CFAP161: variants seen among roughly 807,000 people sequenced by gnomAD.
CFAP161 encodes cilia- and flagella-associated protein 161.
In CFAP161, 25 loss-of-function variants were observed where a neutral mutation model predicts 29.0. That is an observed-to-expected ratio of 0.86 (90% CI 0.63 to 1.20). The LOEUF is 1.20. Ranked by LOEUF, CFAP161 falls within the 50% of genes most tolerant of loss-of-function variation. The pLI, the probability that CFAP161 is intolerant of heterozygous loss-of-function variation, is 0.00. For synonymous variants in CFAP161, 116 were observed against 137.4 expected, an observed-to-expected ratio of 0.84 and a Z score of 1.09; for missense variants, 367 against 371.9, an observed-to-expected ratio of 0.99 and a Z score of 0.11.
At chr15:81,111,213 C>T (rs1240925474) in intron 1 of CFAP161, among the ~76,000 whole-genome samples, 1 of 152,214 alleles carries the variant, frequency 6.6e-6, no homozygotes, top group African/African-American at 2.4e-5. Flanking sequence ...TCTTCTCCTT[C>T]TGACTCTCCA....
intron 4 of CFAP161, among the ~76,000 whole-genome samples, chr15:81,140,221 T>C (rs570887931): frequency 6.6e-6 from 1 of 152,354 alleles, no homozygotes; most frequent in East Asian, 1.9e-4. Flanking sequence ...TATTTTTGAG[T>C]AAAATGTAAT....
intron 1 of CFAP161, among the ~76,000 whole-genome samples, chr15:81,121,651 GT>G (rs1444890806): frequency 1.7e-4 from 26 of 152,110 alleles, no homozygotes; most frequent in African/African-American, 6.3e-4. Flanking sequence ...TTACATATCA[GT>G]ATTTTAGAGA....
Position 81,148,813 on chromosome 15 carries a change from A to G in CFAP161, c.*280A>G. ...GAAGAACTCAGCTTCCTCTACTTAT[A>G]TCCTTCATTGTCTACAAGGACAGTG... On this transcript the variant is annotated 3_prime_UTR_variant, in exon 7 of 7. Coordinates refer to ENST00000286732, the MANE Select transcript of CFAP161 (RefSeq NM_173528.4). The G allele has an allele frequency of 3.5e-6, 1 of 283,620 alleles. No homozygotes were observed. The highest frequency in any genetic ancestry group is 8.9e-5 in the South Asian group (1 of 11,194). The allele number at this position is 283,620 out of a possible 1,614,324, so 17.6% of individuals were successfully genotyped here. A position where few individuals can be genotyped will look rare whatever the true frequency, so the allele number is the denominator to read the frequency against.
At chr15:81,101,526 CAAAAAAA>C (rs527465471) in intron 1 of CFAP161, among the ~76,000 whole-genome samples, 6 of 46,106 alleles carry the variant, frequency 1.3e-4, no homozygotes, top group African/African-American at 2.0e-4. Flanking sequence ...GACTCTGTCT[CAAAAAAA>C]AAAAAAAAAA....
chr15:81,115,680 TTTG>T (rs1894488582), intron 1 of CFAP161, among the ~76,000 whole-genome samples: 1 of 152,056 alleles, frequency 6.6e-6, no homozygotes. Flanking sequence ...AACCTAGGCT[TTTG>T]TTTTTCATTT....
chr15:81,125,450 A>C (rs531906654), intron 1 of CFAP161, among the ~76,000 whole-genome samples: 7 of 152,326 alleles, frequency 4.6e-5, no homozygotes, highest in African/African-American at 1.7e-4. Flanking sequence ...ATAGTTTTGT[A>C]AACTTTGTGT....
intron 1 of CFAP161, among the ~76,000 whole-genome samples, chr15:81,110,589 C>T (rs1487359686): frequency 6.6e-6 from 1 of 152,162 alleles, no homozygotes; most frequent in Non-Finnish European, 1.5e-5. Context: ...TGGGTCCATG[C>T]CGGCATTCCC....
At chr15:81,134,009 T>C (rs1894761194), upstream of CFAP161, among the ~76,000 whole-genome samples, 1 of 152,202 alleles carries the variant, frequency 6.6e-6, no homozygotes, top group South Asian at 2.1e-4. Context: ...GGGTACTCGA[T>C]AGCACTTTTC....
chr15:81,115,120 G>A (rs1290281111), intron 1 of CFAP161, among the ~76,000 whole-genome samples: 2 of 152,170 alleles, frequency 1.3e-5, no homozygotes, highest in African/African-American at 4.8e-5. Context: ...TTTGTGCAAG[G>A]TTGTGGTTTG....
chr15:81,120,575 T>C (rs1894559333), intron 1 of CFAP161, among the ~76,000 whole-genome samples: 1 of 152,104 alleles, frequency 6.6e-6, no homozygotes, highest in African/African-American at 2.4e-5. Context: ...CAAGACCAGC[T>C]CTGACAACAT....
At chr15:81,122,184 A>G (rs1378642782) in intron 1 of CFAP161, among the ~76,000 whole-genome samples, 5 of 152,164 alleles carry the variant, frequency 3.3e-5, no homozygotes, top group Admixed American at 2.0e-4. Flanking sequence ...ATACACATGC[A>G]TGTGTCTTTA....
chr15:81,138,143 A>G lies in CFAP161; in HGVS notation c.477+8A>G, dbSNP rs778608966. ...GGATTTGACAACAAAATGGTGAGTT[A>G]TCACTTTGCATATCTACTTTGGATC... On this transcript the variant is annotated splice_region_variant and intron_variant, in intron 4 of 6. Coordinates refer to ENST00000286732, the MANE Select transcript of CFAP161 (RefSeq NM_173528.4). 6.3e-7 allele frequency: 1 copy of G among 1,591,048 alleles called. No individual in the cohort carries two copies. Among genetic ancestry groups the G allele is most frequent in the East Asian group, 2.2e-5 (1 of 44,764 alleles).
At chr15:81,137,451 C>T (rs1894830418) in intron 3 of CFAP161, among the ~76,000 whole-genome samples, 1 of 152,094 alleles carries the variant, frequency 6.6e-6, no homozygotes, top group African/African-American at 2.4e-5. Context: ...AAAAAATTAG[C>T]TGGGCGTGGT....
At chr15:81,101,846 C>A (rs1894307698) in intron 1 of CFAP161, among the ~76,000 whole-genome samples, 1 of 152,062 alleles carries the variant, frequency 6.6e-6, no homozygotes, top group Non-Finnish European at 1.5e-5. Context: ...TGTTTGATTG[C>A]AATGACATCC....
intron 4 of CFAP161, 87 bp downstream of exon 4, chr15:81,138,222 G>T: frequency 9.3e-7 from 1 of 1,079,326 alleles, no homozygotes. Flanking sequence ...AGTGGACAGA[G>T]AACTCCAGAG....
At chr15:81,139,373 G>A (rs537448589) in intron 4 of CFAP161, among the ~76,000 whole-genome samples, 1 of 152,160 alleles carries the variant, frequency 6.6e-6, no homozygotes, top group South Asian at 2.1e-4. Context: ...CCCCACAGAT[G>A]GTAAGTTGCA....
intron 1 of CFAP161, among the ~76,000 whole-genome samples, chr15:81,102,979 A>T (rs910545436): frequency 6.6e-6 from 1 of 152,208 alleles, no homozygotes; most frequent in Non-Finnish European, 1.5e-5. Context: ...CTGCCAGACA[A>T]GCCTTTAAAA....
chr15:81,140,621 C>T (rs1181763363), intron 4 of CFAP161, among the ~76,000 whole-genome samples: 2 of 151,754 alleles, frequency 1.3e-5, no homozygotes, highest in African/African-American at 2.4e-5. Context: ...TACAGTGTCA[C>T]GAACATGGTT....
intron 1 of CFAP161, among the ~76,000 whole-genome samples, chr15:81,114,147 C>A (rs1317059): frequency 0.095 from 14,487 of 152,202 alleles, 794 homozygotes; most frequent in East Asian, 0.17. Context: ...CTACAACATA[C>A]AGGCATACCT....
Sources: allele counts gnomAD v4.1 joint callset (sites outside exome capture counted in the v4.1 genomes callset), GRCh38; gene constraint gnomAD v4.1.1; transcripts MANE v1.5; gene names NCBI Gene and HGNC (gene_info 2026-07-23, HGNC 2026-07-21).